Variants in SPOCD1 observed in about 807,000 individuals in gnomAD.
SPOCD1 encodes the protein SPOC domain-containing protein 1.
SPOCD1 carries 64 observed loss-of-function variants against 92.2 expected under a neutral mutation model. The ratio of observed to expected loss-of-function variants is 0.69; its 90% CI spans 0.57 to 0.86. The LOEUF is 0.86. Ranked by LOEUF, SPOCD1 falls within the 40% of genes least tolerant of loss-of-function variation. The probability of loss-of-function intolerance (pLI) is 0.00; values close to 1 mark genes in which losing one functional copy is unlikely to be tolerated. For synonymous variants in SPOCD1, 578 were observed against 619.3 expected, an observed-to-expected ratio of 0.93 and a Z score of 0.99; for missense variants, 1,360 against 1,543.1, an observed-to-expected ratio of 0.88 and a Z score of 1.99.
intron 2 of SPOCD1, among the ~76,000 whole-genome samples, chr1:31,806,633 C>A (rs1024081582): frequency 6.6e-6 from 1 of 151,270 alleles, no homozygotes; most frequent in Non-Finnish European, 1.5e-5. Context: ...GCAGTCTCCG[C>A]CCCCGAGGTT....
chr1:31,791,455 T>C, intron 15 of SPOCD1, 164 bp from the exon 16 acceptor site: 2 of 512,606 alleles, frequency 3.9e-6, no homozygotes, highest in Admixed American at 3.9e-5. Flanking sequence ...AAGGCTTATC[T>C]GGCTGAGGCT....
At chr1:31,806,215 G>A (rs1438942628) in intron 2 of SPOCD1, among the ~76,000 whole-genome samples, 1 of 133,184 alleles carries the variant, frequency 7.5e-6, no homozygotes, top group African/African-American at 2.5e-5. Context: ...AAAATAATCA[G>A]TAGGAATAAA....
intron 12 of SPOCD1, 48 bp downstream of exon 12, chr1:31,793,699 C>T (rs760125353): frequency 1.2e-6 from 2 of 1,612,040 alleles, no homozygotes; most frequent in African/African-American, 1.3e-5. Flanking sequence ...TGGTGGCCTC[C>T]CCCTCAACCC....
At chr1:31,796,555 G>C (rs756697683) in intron 10 of SPOCD1, 35 bp downstream of exon 10, 12 of 1,614,208 alleles carry the variant, frequency 7.4e-6, no homozygotes, top group Non-Finnish European at 1.0e-5. Context: ...CCAGGCATGG[G>C]CTCTGCCCAG....
At chr1:31,813,209 G>A (rs1649315780) in intron 2 of SPOCD1, among the ~76,000 whole-genome samples, 1 of 152,180 alleles carries the variant, frequency 6.6e-6, no homozygotes, top group South Asian at 2.1e-4. Flanking sequence ...TAAAGGAAAA[G>A]CAAATTTAAC....
intron 10 of SPOCD1, 30 bp from the exon 11 acceptor site, chr1:31,794,265 GA>G: frequency 6.3e-7 from 1 of 1,576,260 alleles, no homozygotes; most frequent in Non-Finnish European, 8.7e-7. Context: ...GGGGCAGGCT[GA>G]AAACGTGGCT....
chr1:31,813,554 C>T (rs914019136), intron 2 of SPOCD1, among the ~76,000 whole-genome samples: 1 of 152,256 alleles, frequency 6.6e-6, no homozygotes, highest in Admixed American at 6.5e-5. Context: ...TGAGCCACTG[C>T]ACCAGGCCTA....
At chr1:31,815,893 C>T (rs1649534128) in intron 1 of SPOCD1, 68 bp downstream of exon 1, 1 of 118,614 alleles carries the variant, frequency 8.4e-6, no homozygotes, top group Admixed American at 7.9e-5. Flanking sequence ...ACCCAGGTTC[C>T]CAAGCCTTAC....
chr1:31,792,411 CAGG>C lies in SPOCD1; in HGVS notation c.2776-13_2776-11del, dbSNP rs1249392003. 2.5e-6 allele frequency: 4 copies of C among 1,612,202 alleles called. No individual in the cohort carries two copies. Among genetic ancestry groups the C allele is most frequent in the Non-Finnish European group, 3.4e-6 (4 of 1,179,454 alleles). ...TGACCACGCAGACGTCCTGCGGTGG[CAGG>C]AGGAGAGCAGCTGTAAGCGCAGTCA... On this transcript the variant is annotated splice_polypyrimidine_tract_variant and intron_variant, in intron 14 of 15. Transcript: ENST00000360482.
chr1:31,805,075 G>A (rs538147925), intron 2 of SPOCD1, among the ~76,000 whole-genome samples: 13 of 142,794 alleles, frequency 9.1e-5, no homozygotes, highest in South Asian at 2.2e-4. Flanking sequence ...TCCACTTCCC[G>A]GGTTCAAGCG....
At chr1:31,792,832 C>T (rs1647705858) in intron 13 of SPOCD1, 65 bp from the exon 14 acceptor site, 1 of 1,290,816 alleles carries the variant, frequency 7.7e-7, no homozygotes, top group South Asian at 1.3e-5. Flanking sequence ...GGACGCATTC[C>T]CAGCCACCTG....
chr1:31,799,308 C>T (rs867372809), intron 7 of SPOCD1, 93 bp downstream of exon 7: 2 of 1,156,162 alleles, frequency 1.7e-6, no homozygotes, highest in East Asian at 2.6e-5. Flanking sequence ...TAGCCAGACA[C>T]CCAGAAGCCC....
chr1:31,809,754 C>A (rs867872351), intron 2 of SPOCD1, among the ~76,000 whole-genome samples: 5 of 152,170 alleles, frequency 3.3e-5, no homozygotes, highest in Middle Eastern at 3.2e-3. Context: ...CTATTCGAGA[C>A]TCTTAGAACA....
At position 31,814,681 on chromosome 1, in the gene SPOCD1, C is replaced by A. The variant is rs1241755422; in HGVS notation, c.653G>T (p.Cys218Phe). The change falls in exon 2 of 16, where the codon TGT becomes TTT. Residue 218 changes from cysteine (C) to phenylalanine (F), a missense_variant. Physicochemically the swap from Cys to Phe is radical, Grantham distance 205. This residue lies in a region of SPOCD1 where 606 missense variants were observed against 601.5 expected (regional missense o/e 1.01). Transcript: ENST00000360482. The surrounding 1 kb of genome is among the most constrained non-coding windows in gnomAD (Gnocchi z 4.2). Reference sequence around the variant, plus strand: ...CAGGAAGTCACCAGCCCCTTCCTCACACTCTGAATGAGCCCCTTGCCTCCT... The same window carrying A: ...CAGGAAGTCACCAGCCCCTTCCTCAAACTCTGAATGAGCCCCTTGCCTCCT... ...KWRRQGAHSE[C>F]EEGAGDFLWL... The A allele has an allele frequency of 1.9e-6, 3 of 1,572,794 alleles. No individual in the cohort carries two copies. The highest frequency in any genetic ancestry group is 1.7e-6 in the Non-Finnish European group (2 of 1,161,276).
Position 31,798,480 on chromosome 1 carries a change from G to C in SPOCD1, c.1990C>G (p.Arg664Gly), listed in dbSNP as rs949012925. 1 of 1,613,558 alleles carries C rather than the reference G, an allele frequency of 6.2e-7. No individual in the cohort carries two copies. The highest frequency in any genetic ancestry group is 1.3e-5 in the African/African-American group (1 of 74,938). ...GTNGRYKTKY[R>G]SLLFNLRDPR... is the part of the protein sequence containing the mutation. ...TCCCGCAGGTTGAACAGCAGGCTGC[G>C]ATACTTGGTCTTGTACCGGCCATTG... is the stretch of plus-strand genomic sequence containing the variant. The change falls in exon 8 of 16, where the codon CGC becomes GGC. Residue 664 changes from arginine to glycine, a missense_variant. Arg to Gly is a moderately radical substitution (Grantham distance 125). Coordinates refer to ENST00000360482, the MANE Select transcript of SPOCD1 (RefSeq NM_144569.7). This position sits in a 1 kb window ranked among gnomAD's most constrained non-coding sequence, Gnocchi z 4.1.
chr1:31,805,523 C>T (rs1570187002), intron 2 of SPOCD1, among the ~76,000 whole-genome samples: 1 of 152,006 alleles, frequency 6.6e-6, no homozygotes, highest in African/African-American at 2.4e-5. Context: ...CTCAGGAATT[C>T]GAGACCAGCC....
At chr1:31,813,260 G>A (rs989538919) in intron 2 of SPOCD1, among the ~76,000 whole-genome samples, 1 of 152,140 alleles carries the variant, frequency 6.6e-6, no homozygotes, top group Non-Finnish European at 1.5e-5. Context: ...GCTGTGCTAG[G>A]CACCTTTTTT....
intron 10 of SPOCD1, 86 bp downstream of exon 10, chr1:31,796,504 T>C (rs1205464615): frequency 6.2e-7 from 1 of 1,606,420 alleles, no homozygotes; most frequent in Non-Finnish European, 8.5e-7. Flanking sequence ...TCAGGTGACA[T>C]GCCCAAGACC....
chr1:31,815,190 C>A lies in SPOCD1; in HGVS notation c.144G>T (p.Gly48=). The A allele has an allele frequency of 6.2e-7, 1 of 1,608,336 alleles. No homozygotes were observed. The highest frequency in any genetic ancestry group is 8.5e-7 in the Non-Finnish European group (1 of 1,175,640). ...TTCTGCTGCCAGCCCTGACTCCGGG[C>A]CCAGAGCTTGCTCCCGGCCCATCTG... The part of the protein sequence containing the change: ...LSPDGPGASS[G]PGVRAGSRRK... Residue 48 remains glycine (G), a synonymous_variant, in exon 2 of 16, where the codon GGG becomes GGT. Transcript: ENST00000360482.
Sources: allele counts gnomAD v4.1 joint callset (sites outside exome capture counted in the v4.1 genomes callset), GRCh38; gene constraint gnomAD v4.1.1; regional missense constraint gnomAD v4.1.1; non-coding constraint Gnocchi (gnomAD v3.1); transcripts MANE v1.5; gene names NCBI Gene and HGNC (gene_info 2026-07-23, HGNC 2026-07-21).